Variants in ZFP57 observed in about 807,000 individuals in gnomAD.
ZFP57 encodes the protein zinc finger protein 57 homolog.
Under a neutral mutation model 15.8 loss-of-function variants are expected in ZFP57, and 12 were observed. The observed-to-expected ratio is 0.76, with a 90% CI of 0.49 to 1.23. The LOEUF (loss-of-function observed/expected upper bound fraction) is 1.23. ZFP57 is among the 50% of genes most tolerant of loss of function. The pLI is 0.00. For missense variants in ZFP57, 536 were observed against 654.9 expected (o/e 0.82, Z 1.98); for synonymous variants, 203 against 242.3 (o/e 0.84, Z 1.51).
chr6:29,678,203 C>CA (rs895230301), intron 1 of ZFP57, among the ~76,000 whole-genome samples: 11 of 151,502 alleles, frequency 7.3e-5, no homozygotes, highest in Non-Finnish European at 1.5e-4. Flanking sequence ...GACTCCGTCT[C>CA]AAAAAAAAAT....
chr6:29,678,945 T>C (rs1772201942), intron 1 of ZFP57, among the ~76,000 whole-genome samples: 1 of 152,174 alleles, frequency 6.6e-6, no homozygotes, highest in African/African-American at 2.4e-5. Flanking sequence ...CAGAATTACT[T>C]GAACCCGTGA....
In ZFP57 at chr6:29,672,650, A is replaced by C; in HGVS notation, c.1461T>G (p.His487Gln). ...CCTCCCCAGCCATAGTGGGGACATC[A>C]TGAGAGAAGCCAAGCCACTGGCCCA... ...VILGQWLGFS[H>Q]DVPTMAGEEW... The change falls in exon 5 of 5, where the codon CAT becomes CAG. Residue 487 changes from histidine to glutamine, a missense_variant. By Grantham distance (24) the His-to-Gln change is conservative. Transcript: ENST00000376883. 1 of 1,611,372 alleles carries C rather than the reference A, an allele frequency of 6.2e-7. No homozygotes were observed. The highest frequency in any genetic ancestry group is 8.5e-7 in the Non-Finnish European group (1 of 1,178,628).
chr6:29,679,405 T>A (rs1772225118), intron 1 of ZFP57, among the ~76,000 whole-genome samples: 1 of 152,250 alleles, frequency 6.6e-6, no homozygotes, highest in Admixed American at 6.5e-5. Flanking sequence ...ATAGAGTTAA[T>A]TGGATCTCCA....
In ZFP57 at chr6:29,673,255, G is replaced by C; in HGVS notation, c.856C>G (p.Pro286Ala). ...RHQKIHQNQE[P>A]VDGNQECTLR... is the part of the protein sequence containing the mutation. ...GTACACTCCTGGTTTCCATCCACTGGCTCCTGGTTTTGGTGTATCTTCTGG... is the reference window on the plus strand; with the variant it reads ...GTACACTCCTGGTTTCCATCCACTGCCTCCTGGTTTTGGTGTATCTTCTGG... The change falls in exon 5 of 5, where the codon CCA becomes GCA. Residue 286 changes from proline to alanine, a missense_variant. Pro to Ala is a conservative substitution (Grantham distance 27, BLOSUM62 -1). Coordinates refer to ENST00000376883, the MANE Select transcript of ZFP57 (RefSeq NM_001109809.5). This position sits in a 1 kb window ranked among gnomAD's most constrained non-coding sequence, Gnocchi z 4.7. 1.2e-6 allele frequency: 2 copies of C among 1,613,054 alleles called. No homozygotes were observed. Among genetic ancestry groups the C allele is most frequent in the African/African-American group, 1.3e-5 (1 of 75,026 alleles).
intron 3 of ZFP57, among the ~76,000 whole-genome samples, chr6:29,675,705 A>C (rs1235068129): frequency 6.6e-6 from 1 of 152,216 alleles, no homozygotes; most frequent in African/African-American, 2.4e-5. Context: ...AAAAATTTGC[A>C]TATTTTGAGA....
At chr6:29,676,119 T>A (rs1772060173) in intron 2 of ZFP57, 60 bp from the exon 3 acceptor site, 1 of 1,501,440 alleles carries the variant, frequency 6.7e-7, no homozygotes, top group Non-Finnish European at 9.2e-7. Context: ...TGTGTGTGTG[T>A]GTGTGTACAA....
Position 29,673,178 on chromosome 6 carries a change from G to A in ZFP57, c.933C>T (p.Ser311=). 2 of 1,613,014 alleles carry A rather than the reference G, an allele frequency of 1.2e-6. No individual in the cohort carries two copies. The highest frequency in any genetic ancestry group is 1.1e-5 in the South Asian group (1 of 91,078). Residue 311 remains serine (S), a synonymous_variant, in exon 5 of 5, where the codon AGC becomes AGT. Transcript: ENST00000376883. This position sits in a 1 kb window ranked among gnomAD's most constrained non-coding sequence, Gnocchi z 4.7. ...CCAAAAGCCCCTGGATGGACCTCTG[G>A]CTTCTGGCGATGGGTGTCTGGAATT... The part of the protein sequence containing the change: ...QAEFQTPIAR[S]QRSIQGLLDV...
At position 29,677,107 on chromosome 6, in the gene ZFP57, A is replaced by G; in HGVS notation, c.-104T>C. Reference sequence around the variant, plus strand: ...GCTATCTACCTCCCAGTAACTGGGCAGATGGAGAGGCCCAGCAAAGGCCCC... The same window carrying G: ...GCTATCTACCTCCCAGTAACTGGGCGGATGGAGAGGCCCAGCAAAGGCCCC... On this transcript the variant is annotated 5_prime_UTR_variant, in exon 2 of 5. Transcript: ENST00000376883. 6.5e-7 allele frequency: 1 copy of G among 1,549,364 alleles called. No homozygotes were observed. Among genetic ancestry groups the G allele is most frequent in the East Asian group, 2.2e-5 (1 of 44,590 alleles).
Position 29,675,486 on chromosome 6 carries a change from G to A in ZFP57, c.252C>T (p.Ala84=). The A allele has an allele frequency of 6.2e-7, 1 of 1,613,800 alleles. No individual in the cohort carries two copies. Among genetic ancestry groups the A allele is most frequent in the Non-Finnish European group, 8.5e-7 (1 of 1,179,760 alleles). Residue 84 remains alanine (A), a splice_region_variant and synonymous_variant, in exon 4 of 5, where the codon GCC becomes GCT. Coordinates refer to ENST00000376883, the MANE Select transcript of ZFP57 (RefSeq NM_001109809.5). Reference sequence around the variant, plus strand: ...GCTCTGGCTTATGCAGAAAGATTCTGGCTGATGTGTGGGAATGAGAAAGAG... The same window carrying A: ...GCTCTGGCTTATGCAGAAAGATTCTAGCTGATGTGTGGGAATGAGAAAGAG... ...SETFKNLTSV[A]RIFLHKPELI...
chr6:29,672,411 C>T (rs763863050), downstream of ZFP57: 8 of 1,457,878 alleles, frequency 5.5e-6, no homozygotes, highest in Non-Finnish European at 7.7e-6. Context: ...TATCCACGCA[C>T]CTGTCTCCCT....
intron 4 of ZFP57, among the ~76,000 whole-genome samples, chr6:29,674,251 GGAA>G (rs368628618): frequency 1.2e-3 from 187 of 152,014 alleles, no homozygotes; most frequent in African/African-American, 3.8e-3. Flanking sequence ...AAGAAGAAGA[GGAA>G]GAAGAAGAAC....
Position 29,673,712 on chromosome 6 carries a change from ATC to A in ZFP57, c.397_398del (p.Asp133Ter), listed in dbSNP as rs747207653. Reference protein sequence around the residue: ...ELREQHPSLRDEGTSDDKVFL... With the variant: ...ELREQHPSLRXEGTSDDKVFL... ...AGACCTTGTCATCACTAGTCCCCTC[ATC>A]TCTCAGACTGGGATGTTGTTCTCGA... On this transcript the variant is annotated frameshift_variant, in exon 5 of 5. Transcript: ENST00000376883. LOFTEE classifies it low-confidence loss of function (END_TRUNC). The surrounding 1 kb of genome is among the most constrained non-coding windows in gnomAD (Gnocchi z 4.7). 2 of 1,613,088 alleles carry A rather than the reference ATC, an allele frequency of 1.2e-6. No homozygotes were observed. Among genetic ancestry groups the A allele is most frequent in the Non-Finnish European group, 1.7e-6 (2 of 1,180,042 alleles).
Position 29,676,977 on chromosome 6 carries a change from T to G in ZFP57, c.27A>C (p.Glu9Asp), listed in dbSNP as rs759235269. The change falls in exon 2 of 5, where the codon GAA becomes GAC. Residue 9 changes from glutamate to aspartate, a missense_variant. Glu to Asp is a conservative substitution (Grantham distance 45, BLOSUM62 2). Transcript: ENST00000376883. ...CCCATGGGAGCGTCTTCTGTACAGG[T>G]TCGATTGGCTTCAGCTGTTCAAACA... Reference protein sequence around the residue: MFEQLKPIEPVQKTLPWVG... With the variant: MFEQLKPIDPVQKTLPWVG... The G allele has an allele frequency of 1.9e-6, 3 of 1,614,200 alleles. No individual in the cohort carries two copies. The highest frequency in any genetic ancestry group is 4.5e-5 in the East Asian group (2 of 44,886).
intron 1 of ZFP57, among the ~76,000 whole-genome samples, chr6:29,678,162 C>T (rs1772169620): frequency 1.3e-5 from 2 of 152,238 alleles, no homozygotes; most frequent in South Asian, 4.1e-4. Flanking sequence ...CAAGACTGCG[C>T]CACTGCACTC....
At chr6:29,680,886 C>T (rs1772311592) in intron 1 of ZFP57, among the ~76,000 whole-genome samples, 176 bp downstream of exon 1, 1 of 152,128 alleles carries the variant, frequency 6.6e-6, no homozygotes, top group Non-Finnish European at 1.5e-5. Flanking sequence ...GACAGGGCAC[C>T]TGGATACACC....
chr6:29,679,058 G>T (rs1343461368), intron 1 of ZFP57, among the ~76,000 whole-genome samples: 1 of 152,180 alleles, frequency 6.6e-6, no homozygotes, highest in Non-Finnish European at 1.5e-5. Context: ...ATCCACTAGA[G>T]CTCTTGGAAC....
At chr6:29,677,768 T>TACACACACAC (rs9278235) in intron 1 of ZFP57, among the ~76,000 whole-genome samples, 2,026 of 149,610 alleles carry the variant, frequency 0.014, 50 homozygotes, top group African/African-American at 0.041. Flanking sequence ...ACCAAAATTA[T>TACACACACAC]ACACACACAC....
rs563761778 is a variant in ZFP57, at chr6:29,673,556, G to A, written c.555C>T (p.Ser185=). ...GGTGGCTATAGAGGTAGGAGCGCCT[G>A]CTGAAACATTTGCCACAGGTGTAGC... is the stretch of plus-strand genomic sequence containing the variant. ...FFCYTCGKCF[S]RRSYLYSHQF... Residue 185 remains serine, a synonymous_variant, in exon 5 of 5, where the codon AGC becomes AGT. Coordinates refer to ENST00000376883, the MANE Select transcript of ZFP57 (RefSeq NM_001109809.5). The surrounding 1 kb of genome is among the most constrained non-coding windows in gnomAD (Gnocchi z 4.7). 1.9e-6 allele frequency: 3 copies of A among 1,613,082 alleles called. No individual in the cohort carries two copies. The highest frequency in any genetic ancestry group is 1.1e-5 in the South Asian group (1 of 91,080).
At chr6:29,675,902 G>A in intron 3 of ZFP57, 31 bp downstream of exon 3, 2 of 1,612,908 alleles carry the variant, frequency 1.2e-6, no homozygotes, top group Non-Finnish European at 1.7e-6. Context: ...CTTAGGACAG[G>A]GGGCTTGCTG....
Sources: gnomAD v4.1 joint callset for allele counts (sites outside exome capture counted in the v4.1 genomes callset) on GRCh38, gnomAD v4.1.1 for gene constraint, Gnocchi (gnomAD v3.1) non-coding constraint, MANE v1.5 for transcripts, NCBI Gene and HGNC (gene_info 2026-07-23, HGNC 2026-07-21) for gene names.